CRYBG2: variants seen among roughly 807,000 people sequenced by gnomAD.
The protein encoded by CRYBG2 is crystallin beta-gamma domain containing 2.
Under a neutral mutation model 153.4 loss-of-function variants are expected in CRYBG2, and 106 were observed. That is an observed-to-expected ratio of 0.69 (90% confidence interval 0.59 to 0.81). CRYBG2 has a LOEUF of 0.81. Among genes scored for constraint, CRYBG2 ranks in the 30% least tolerant of loss-of-function variants. The probability of loss-of-function intolerance (pLI) is 0.00; values close to 1 mark genes in which losing one functional copy is unlikely to be tolerated. For missense variants in CRYBG2, 1,996 were observed against 2,112.0 expected, an observed-to-expected ratio of 0.95 and a Z score of 1.08; for synonymous variants, 851 against 877.8, an observed-to-expected ratio of 0.97 and a Z score of 0.54.
At chr1:26,351,288 C>G (rs753620884) in intron 1 of CRYBG2, among the ~76,000 whole-genome samples, 7 of 152,188 alleles carry the variant, frequency 4.6e-5, no homozygotes, top group Non-Finnish European at 8.8e-5. Context: ...TTGACGCCCT[C>G]GCTGAGCACC....
At chr1:26,341,572 C>T (rs4659433) in intron 5 of CRYBG2, among the ~76,000 whole-genome samples, 1 of 151,878 alleles carries the variant, frequency 6.6e-6, no homozygotes, top group Non-Finnish European at 1.5e-5. Context: ...CCGCAACTTC[C>T]GCCTCCCGAG....
At chr1:26,349,360 G>A (rs2074262468) in intron 1 of CRYBG2, among the ~76,000 whole-genome samples, 1 of 151,928 alleles carries the variant, frequency 6.6e-6, no homozygotes, top group Non-Finnish European at 1.5e-5. Context: ...TGTCAAGCAG[G>A]GATTTAAATT....
intron 1 of CRYBG2, among the ~76,000 whole-genome samples, chr1:26,353,191 G>A (rs752467463): frequency 6.6e-6 from 1 of 152,122 alleles, no homozygotes; most frequent in Non-Finnish European, 1.5e-5. Context: ...CTAGAATTAG[G>A]TGACAGGGGT....
In CRYBG2 at chr1:26,322,027, C is replaced by CCA. The variant is rs1557699701; in HGVS notation, c.4925_4926dup (p.Val1643TrpfsTer36). The CCA allele has an allele frequency of 6.2e-7, 1 of 1,607,254 alleles. No homozygotes were observed. The highest frequency in any genetic ancestry group is 1.7e-5 in the Admixed American group (1 of 59,832). ...CTGTCCTCATCCGGCTCCCATAGCA[C>CCA]CACGTGGTCCCGGTCGTAGCCCCGG... On this transcript the variant is annotated frameshift_variant, in exon 20 of 20. Coordinates refer to ENST00000308182, the MANE Select transcript of CRYBG2 (RefSeq NM_001039775.4). LOFTEE classifies it high-confidence loss of function.
At chr1:26,339,584 T>C (rs1188866158) in intron 5 of CRYBG2, among the ~76,000 whole-genome samples, 155 bp from the exon 6 acceptor site, 1 of 152,034 alleles carries the variant, frequency 6.6e-6, no homozygotes, top group South Asian at 2.1e-4. Flanking sequence ...CAGTCTCTAC[T>C]AAAAATACAA....
rs1232241691 is a variant in CRYBG2 at position 26,343,075 on chromosome 1, C to T, written c.3046G>A (p.Val1016Ile). Residue 1016 changes from valine (V) to isoleucine (I), a missense_variant, in exon 4 of 20, where the codon GTA becomes ATA. By Grantham distance (29) the Val-to-Ile change is conservative. Transcript: ENST00000308182. The surrounding 1 kb of genome is among the most constrained non-coding windows in gnomAD (Gnocchi z 4.1). The part of the protein sequence containing the change: ...DIVDASGWAP[V>I]ASIRVVRGCW... ...CCTCGAACTACCCTTATGGAGGCTA[C>T]GGGGGCCCAGCCTGAGGCATCAACG... 4.5e-6 allele frequency: 7 copies of T among 1,550,176 alleles called. No individual in the cohort carries two copies. The highest frequency in any genetic ancestry group is 4.1e-5 in the African/African-American group (3 of 73,014).
At chr1:26,353,602 A>C (rs2074308101) in intron 1 of CRYBG2, among the ~76,000 whole-genome samples, 1 of 151,928 alleles carries the variant, frequency 6.6e-6, no homozygotes, top group Admixed American at 6.6e-5. Context: ...TCCTGTAGCC[A>C]CCTCCTCCTT....
In CRYBG2 at chr1:26,336,902, G is replaced by T. The variant is rs1274480596; in HGVS notation, c.3850C>A (p.Pro1284Thr). The T allele has an allele frequency of 6.2e-7, 1 of 1,611,858 alleles. No homozygotes were observed. The highest frequency in any genetic ancestry group is 1.1e-5 in the South Asian group (1 of 90,574). ...GHGVEVSKAL[P>T]DVELVQHGPS... ...CCGTGTTGCACCAGCTCCACATCCGGCAATGCCTTGCTCACCTCCACGCCG... is the reference window on the plus strand; with the variant it reads ...CCGTGTTGCACCAGCTCCACATCCGTCAATGCCTTGCTCACCTCCACGCCG... Residue 1284 changes from proline (P) to threonine (T), a missense_variant, in exon 11 of 20, where the codon CCG becomes ACG. Transcript: ENST00000308182. The surrounding 1 kb of genome is among the most constrained non-coding windows in gnomAD (Gnocchi z 4.9).
At chr1:26,331,735 AGG>A in intron 14 of CRYBG2, 117 bp from the exon 15 acceptor site, 1 of 1,399,878 alleles carries the variant, frequency 7.1e-7, no homozygotes, top group Non-Finnish European at 9.8e-7. Flanking sequence ...GTCCCAGGGG[AGG>A]TGGGATGAAC....
In CRYBG2 at chr1:26,325,672, C is replaced by T. The variant is rs1439583964; in HGVS notation, c.4579-1362G>A. 6.6e-6 allele frequency among the ~76,000 whole-genome samples: 1 copy of T among 151,912 alleles called. No individual in the cohort carries two copies. Among genetic ancestry groups the T allele is most frequent in the Non-Finnish European group, 1.5e-5 (1 of 67,982 alleles). ...ACCAGAGCACACAGATGCATGGACA[C>T]AAATAACCTGATGAGCACAGAAATA... On this transcript the variant is annotated intron_variant, in intron 17 of 19. Transcript: ENST00000308182. The surrounding 1 kb of genome is among the most constrained non-coding windows in gnomAD (Gnocchi z 4.1).
In CRYBG2 at chr1:26,322,216, T is replaced by C; in HGVS notation, c.4845A>G (p.Glu1615=). 6.2e-7 allele frequency: 1 copy of C among 1,614,146 alleles called. No homozygotes were observed. The highest frequency in any genetic ancestry group is 8.5e-7 in the Non-Finnish European group (1 of 1,179,982). The stretch of plus-strand genomic sequence containing the variant: ...ACATCTGGCTGCAGATGTGGCCCGA[T>C]TCACTGATGCTCCACGTCTGGCGCG... ...RLPRQTWSIS[E]SGHICSQMFE... Residue 1615 remains glutamate (E), a synonymous_variant, in exon 19 of 20, where the codon GAA becomes GAG. Transcript: ENST00000308182.
chr1:26,344,583 G>A lies in CRYBG2; in HGVS notation c.2075C>T (p.Ser692Phe). 6.5e-7 allele frequency: 1 copy of A among 1,538,264 alleles called. No individual in the cohort carries two copies. The highest frequency in any genetic ancestry group is 8.7e-7 in the Non-Finnish European group (1 of 1,146,908). Residue 692 changes from serine (S) to phenylalanine (F), a missense_variant, in exon 2 of 20, where the codon TCT (serine) becomes TTT (phenylalanine). By Grantham distance (155) the Ser-to-Phe change is radical. Coordinates refer to ENST00000308182, the MANE Select transcript of CRYBG2 (RefSeq NM_001039775.4). ...CTGCACAACCTCTTTCTGGGTGAGAGATGAGATGGGGCTCCCTTCAGAGTC... is the reference window on the plus strand; with the variant it reads ...CTGCACAACCTCTTTCTGGGTGAGAAATGAGATGGGGCTCCCTTCAGAGTC... Reference protein sequence around the residue: ...VQDSEGSPISSLTQKEVVQDP... With the variant: ...VQDSEGSPISFLTQKEVVQDP...
In CRYBG2 at chr1:26,339,543, T is replaced by C. The variant is rs148407207; in HGVS notation, c.3205-114A>G. On this transcript the variant is annotated intron_variant, in intron 5 of 19. Coordinates refer to ENST00000308182, the MANE Select transcript of CRYBG2 (RefSeq NM_001039775.4). ...CGGGCAGATCACCTGAGGTCAGCAG[T>C]TCGAGACCAGCTGACCAACATGGAG... 1,135 of 1,142,774 alleles carry C rather than the reference T, an allele frequency of 9.9e-4. 9 individuals are homozygous for C. In the African/African-American group the frequency reaches 0.015, roughly 15 times the overall value. 70.8% of individuals were successfully genotyped at this position (1,142,774 alleles called of 1,614,324 possible).
Position 26,338,404 on chromosome 1 carries a change from C to G in CRYBG2, c.3418G>C (p.Glu1140Gln). The G allele has an allele frequency of 1.2e-6, 2 of 1,613,558 alleles. No individual in the cohort carries two copies. The highest frequency in any genetic ancestry group is 1.7e-6 in the Non-Finnish European group (2 of 1,179,754). The change falls in exon 7 of 20, where the codon GAG becomes CAG. Residue 1140 changes from glutamate (E) to glutamine (Q), a missense_variant. Transcript: ENST00000308182. The stretch of plus-strand genomic sequence containing the variant: ...CTGGGGTCCGATGTGCCCCAGGCCT[C>G]TGAGGTGGGGTACTCTCCAGGTTCC... ...ILEPGEYPTSEAWGTSDPSVG... is the reference protein window; with the variant it reads ...ILEPGEYPTSQAWGTSDPSVG...
Position 26,336,774 on chromosome 1 carries a change from G to C in CRYBG2, c.3912-42C>G, listed in dbSNP as rs1283428261. ...GCGCGAGTCAGCTGGGACGGAGCCT[G>C]CACCTCTCCTGGAACCGCCCCCGGC... On this transcript the variant is annotated intron_variant, in intron 11 of 19. Transcript: ENST00000308182. This position sits in a 1 kb window ranked among gnomAD's most constrained non-coding sequence, Gnocchi z 4.9. The C allele has an allele frequency of 1.9e-6, 3 of 1,567,446 alleles. No homozygotes were observed. The highest frequency in any genetic ancestry group is 2.6e-6 in the Non-Finnish European group (3 of 1,157,148).
intron 14 of CRYBG2, among the ~76,000 whole-genome samples, chr1:26,335,561 G>C (rs2074044489): frequency 2.0e-5 from 3 of 152,204 alleles, no homozygotes; most frequent in Admixed American, 1.3e-4. Flanking sequence ...ACTTTGGAAG[G>C]CCGAGGTGGC....
chr1:26,339,682 GCCGAGATCA>G (rs1429431119), intron 5 of CRYBG2, among the ~76,000 whole-genome samples: 1 of 151,818 alleles, frequency 6.6e-6, no homozygotes, highest in East Asian at 1.9e-4. Flanking sequence ...GTTGCGGTGA[GCCGAGATCA>G]TGCCATTGCA....
At chr1:26,334,140 G>C (rs906443206) in intron 14 of CRYBG2, among the ~76,000 whole-genome samples, 1 of 152,152 alleles carries the variant, frequency 6.6e-6, no homozygotes, top group Non-Finnish European at 1.5e-5. Context: ...AACAGAACTA[G>C]GGCCAGGTGC....
At chr1:26,349,138 C>T (rs566271979) in intron 1 of CRYBG2, among the ~76,000 whole-genome samples, 2 of 152,060 alleles carry the variant, frequency 1.3e-5, no homozygotes, top group African/African-American at 4.8e-5. Flanking sequence ...CTCTGCACTC[C>T]AGCCTGGGCA....
Sources: allele counts gnomAD v4.1 joint callset (sites outside exome capture counted in the v4.1 genomes callset), GRCh38; gene constraint gnomAD v4.1.1; non-coding constraint Gnocchi (gnomAD v3.1); transcripts MANE v1.5; gene names NCBI Gene and HGNC (gene_info 2026-07-23, HGNC 2026-07-21).